The following ARHGAP6 variants were observed in gnomAD, a reference collection of about 807,000 sequenced individuals.
ARHGAP6 encodes Rho GTPase activating protein 6.
Under a neutral mutation model 55.7 loss-of-function variants are expected in ARHGAP6, and 16 were observed. The observed-to-expected ratio is 0.29, with a 90% CI of 0.19 to 0.44. The LOEUF is 0.44. ARHGAP6 is among the 20% of genes least tolerant of loss of function. The pLI, the probability that ARHGAP6 is intolerant of heterozygous loss-of-function variation, is 1.00. For synonymous variants in ARHGAP6, 382 were observed against 360.9 expected, an observed-to-expected ratio of 1.06 and a Z score of -0.66; for missense variants, 698 against 808.9, an observed-to-expected ratio of 0.86 and a Z score of 1.66.
At chrX:11,399,131 C>A (rs765228296) in intron 1 of ARHGAP6, among the ~76,000 whole-genome samples, 3 of 111,270 alleles carry the variant, frequency 2.7e-5, no homozygotes, top group Non-Finnish European at 3.8e-5. Context: ...AGATCTGTTC[C>A]TCTCTAATAG....
At chrX:11,315,973 C>T (rs1160187947) in intron 1 of ARHGAP6, among the ~76,000 whole-genome samples, 5 of 111,940 alleles carry the variant, frequency 4.5e-5, no homozygotes, top group Non-Finnish European at 9.4e-5. Context: ...TAGTGTTCCC[C>T]ATCTAAGTCA....
intron 1 of ARHGAP6, among the ~76,000 whole-genome samples, chrX:11,521,228 T>C (rs1480741928): frequency 2.7e-5 from 3 of 112,277 alleles, no homozygotes; most frequent in Non-Finnish European, 5.6e-5. Context: ...CATGAAGTCC[T>C]TGCCCATGCC....
chrX:11,378,790 G>A (rs945110754), intron 1 of ARHGAP6, among the ~76,000 whole-genome samples: 3 of 112,106 alleles, frequency 2.7e-5, no homozygotes, highest in African/African-American at 9.7e-5. Context: ...GATTCTTTTG[G>A]CTGGCTTTTA....
chrX:11,651,059 T>C (rs2052578470), intron 1 of ARHGAP6, among the ~76,000 whole-genome samples: 1 of 112,188 alleles, frequency 8.9e-6, no homozygotes, highest in Non-Finnish European at 1.9e-5. Flanking sequence ...TGAGCTCTCT[T>C]ATAAATCATG....
intron 2 of ARHGAP6, among the ~76,000 whole-genome samples, chrX:11,242,562 G>C (rs2047297928): frequency 9.0e-6 from 1 of 111,311 alleles, no homozygotes; most frequent in Admixed American, 9.6e-5. Context: ...ATCTTTCATT[G>C]AACAGTCCTT....
intron 1 of ARHGAP6, among the ~76,000 whole-genome samples, 188 bp downstream of exon 1, chrX:11,664,053 C>G (rs1453602011): frequency 8.9e-6 from 1 of 112,765 alleles, no homozygotes; most frequent in African/African-American, 3.2e-5. Context: ...ACAAGACGCA[C>G]AAGCGGGTGG....
At position 11,649,602 on chromosome X, in the gene ARHGAP6, G is replaced by A. The variant is rs745836145; in HGVS notation, c.588+14639C>T. On this transcript the variant is annotated intron_variant, in intron 1 of 12. Transcript: ENST00000337414. ...CCTGAGAGCACCTCCCAAATAAACT[G>A]CTTTCACCCAGATCCTGCCTTTGGG... Among the ~76,000 whole-genome samples, 44 of 111,334 alleles carry A rather than the reference G, an allele frequency of 4.0e-4. 1 individual carries two copies. Among genetic ancestry groups the A allele is most frequent in the Non-Finnish European group, 3.8e-5 (2 of 53,060 alleles).
At chrX:11,277,710 TAAA>T (rs543163653) in intron 1 of ARHGAP6, among the ~76,000 whole-genome samples, 2,500 of 107,809 alleles carry the variant, frequency 0.023, 27 homozygotes, top group Middle Eastern at 0.067. Flanking sequence ...TTTTTTTTTT[TAAA>T]AAAAAATTAG....
intron 1 of ARHGAP6, among the ~76,000 whole-genome samples, chrX:11,652,531 C>T: frequency 8.9e-6 from 1 of 112,105 alleles, no homozygotes; most frequent in South Asian, 3.7e-4. Flanking sequence ...GATATATTCA[C>T]AATTCTCATC....
At chrX:11,348,319 T>C (rs1437305471) in intron 1 of ARHGAP6, among the ~76,000 whole-genome samples, 1 of 112,394 alleles carries the variant, frequency 8.9e-6, no homozygotes, top group African/African-American at 3.2e-5. Context: ...ATTTAACCTA[T>C]GACATACGTG....
At chrX:11,193,311 C>T (rs1434614740) in intron 3 of ARHGAP6, among the ~76,000 whole-genome samples, 1 of 112,656 alleles carries the variant, frequency 8.9e-6, no homozygotes, top group Non-Finnish European at 1.9e-5. Context: ...CCTTCTTTTA[C>T]TCTTGGATTC....
intron 1 of ARHGAP6, among the ~76,000 whole-genome samples, chrX:11,304,826 C>T (rs1166567342): frequency 1.9e-4 from 14 of 73,901 alleles, no homozygotes; most frequent in Non-Finnish European, 3.0e-4. Flanking sequence ...CTCGCTCTGT[C>T]GCCAGGCTGG....
chrX:11,331,460 G>A (rs915719863), intron 1 of ARHGAP6, among the ~76,000 whole-genome samples: 3 of 111,924 alleles, frequency 2.7e-5, no homozygotes, highest in African/African-American at 6.5e-5. Flanking sequence ...TTAAATAAAC[G>A]TGTATGCCTT....
In ARHGAP6 at chrX:11,631,742, A is replaced by T. The variant is rs1439612280; in HGVS notation, c.588+32499T>A. 2.7e-5 allele frequency among the ~76,000 whole-genome samples: 3 copies of T among 111,843 alleles called. No individual in the cohort carries two copies. The Admixed American group carries it at 2.9e-4, about 11-fold the overall frequency. On this transcript the variant is annotated intron_variant, in intron 1 of 12. Coordinates refer to ENST00000337414, the MANE Select transcript of ARHGAP6 (RefSeq NM_013427.3). ...ATCCAGTGTCTGTCACAGCTACTCA[A>T]ATCTGCTATAAAAGCGCCAAAGCTG...
At chrX:11,409,821 G>A (rs2049658163) in intron 1 of ARHGAP6, among the ~76,000 whole-genome samples, 1 of 112,304 alleles carries the variant, frequency 8.9e-6, no homozygotes, top group Non-Finnish European at 1.9e-5. Flanking sequence ...CTATCAAATA[G>A]ACAAAGCTGG....
chrX:11,426,444 A>G (rs898330388), intron 1 of ARHGAP6, among the ~76,000 whole-genome samples: 8 of 111,107 alleles, frequency 7.2e-5, no homozygotes, highest in Non-Finnish European at 1.5e-4. Flanking sequence ...TATAAATATT[A>G]ATGATTCTTG....
At position 11,138,955 on chromosome X, in the gene ARHGAP6, C is replaced by T. The variant is rs1183332901; in HGVS notation, c.2833G>A (p.Ala945Thr). 1 of 1,199,508 alleles carries T rather than the reference C, an allele frequency of 8.3e-7. No individual in the cohort carries two copies. Among genetic ancestry groups the T allele is most frequent in the East Asian group, 3.0e-5 (1 of 33,329 alleles). Residue 945 changes from alanine (A) to threonine (T), a missense_variant, in exon 13 of 13, where the codon GCT (alanine) becomes ACT (threonine). Ala to Thr is a moderately conservative substitution (Grantham distance 58, BLOSUM62 0). Coordinates refer to ENST00000337414, the MANE Select transcript of ARHGAP6 (RefSeq NM_013427.3). ...TCTCTCTGCCAGTCGAGCCAGCCAG[C>T]GTCCCCCAGGCGCGGACTGTCCTGC... ...GEQDSPRLGD[A>T]GWLDWQRERW...
At chrX:11,247,047 C>G (rs1421989121) in intron 2 of ARHGAP6, among the ~76,000 whole-genome samples, 1 of 111,872 alleles carries the variant, frequency 8.9e-6, no homozygotes, top group East Asian at 2.8e-4. Context: ...CAGTGTTGGC[C>G]TAGCAAGAAT....
intron 1 of ARHGAP6, among the ~76,000 whole-genome samples, chrX:11,369,166 TTTTG>T (rs753815332): frequency 1.2e-4 from 13 of 111,277 alleles, no homozygotes; most frequent in Admixed American, 3.8e-4. Context: ...GTGGTAGGTT[TTTTG>T]TTTGTTTGTT....
Sources: gnomAD v4.1 joint callset for allele counts (sites outside exome capture counted in the v4.1 genomes callset) on GRCh38, gnomAD v4.1.1 for gene constraint, MANE v1.5 for transcripts, NCBI Gene and HGNC (gene_info 2026-07-23, HGNC 2026-07-21) for gene names.